The following PHLDB2 variants were observed in gnomAD, a reference collection of about 807,000 sequenced individuals.
PHLDB2 encodes the protein pleckstrin homology-like domain family B member 2.
PHLDB2 carries 71 observed loss-of-function variants against 123.6 expected under a neutral mutation model. That is an observed-to-expected ratio of 0.57 (90% CI 0.47 to 0.70). The LOEUF (loss-of-function observed/expected upper bound fraction) is 0.70, where lower values mean the gene tolerates loss of function less well. Ranked by LOEUF, PHLDB2 falls within the 30% of genes least tolerant of loss-of-function variation. The probability of loss-of-function intolerance (pLI) is 0.00; values close to 1 mark genes in which losing one functional copy is unlikely to be tolerated. For synonymous variants in PHLDB2, 547 were observed against 541.6 expected, an observed-to-expected ratio of 1.01 and a Z score of -0.14; for missense variants, 1,446 against 1,519.5, an observed-to-expected ratio of 0.95 and a Z score of 0.80.
intron 1 of PHLDB2, among the ~76,000 whole-genome samples, chr3:111,806,327 C>T (rs182153692): frequency 9.5e-4 from 145 of 152,166 alleles, no homozygotes; most frequent in Middle Eastern, 6.8e-3. Context: ...AGTCAATCCC[C>T]TCTCCCACCC....
At chr3:111,919,599 A>G (rs2068374930) in intron 4 of PHLDB2, among the ~76,000 whole-genome samples, 1 of 152,226 alleles carries the variant, frequency 6.6e-6, no homozygotes, top group Non-Finnish European at 1.5e-5. Flanking sequence ...TGGATATCAC[A>G]TTGGCACCAT....
chr3:111,749,108 A>G (rs1576502320), intron 1 of PHLDB2, among the ~76,000 whole-genome samples: 1 of 151,624 alleles, frequency 6.6e-6, no homozygotes, highest in East Asian at 1.9e-4. Flanking sequence ...AGGCTAAAAA[A>G]AAAAAATAAG....
intron 5 of PHLDB2, 29 bp from the exon 6 acceptor site, chr3:111,932,240 T>C: frequency 6.5e-7 from 1 of 1,548,040 alleles, no homozygotes; most frequent in Non-Finnish European, 8.7e-7. Context: ...AGGTAATTTC[T>C]ATTCTATTTT....
intron 12 of PHLDB2, 57 bp downstream of exon 12, chr3:111,954,086 G>C: frequency 2.7e-6 from 4 of 1,495,762 alleles, no homozygotes; most frequent in South Asian, 1.2e-5. Context: ...GAATTCTTCA[G>C]GGGGAGGAAG....
chr3:111,887,606 A>G (rs2066250124), intron 2 of PHLDB2, among the ~76,000 whole-genome samples: 1 of 152,174 alleles, frequency 6.6e-6, no homozygotes, highest in South Asian at 2.1e-4. Flanking sequence ...ATGAATGCCA[A>G]AGGGTTTTCC....
intron 1 of PHLDB2, among the ~76,000 whole-genome samples, chr3:111,881,624 ATGTT>A (rs2065929844): frequency 6.6e-6 from 1 of 151,990 alleles, no homozygotes; most frequent in Non-Finnish European, 1.5e-5. Context: ...TCATATTTTT[ATGTT>A]TGTTTATATT....
At chr3:111,885,988 A>C (rs1438329203) in intron 2 of PHLDB2, among the ~76,000 whole-genome samples, 2 of 152,198 alleles carry the variant, frequency 1.3e-5, no homozygotes, top group African/African-American at 4.8e-5. Flanking sequence ...TACTCACAAG[A>C]TCTATTGAGT....
chr3:111,742,975 G>A (rs1387890799), intron 1 of PHLDB2, among the ~76,000 whole-genome samples: 3 of 152,134 alleles, frequency 2.0e-5, no homozygotes, highest in Non-Finnish European at 4.4e-5. Flanking sequence ...AACCAATAAA[G>A]GAGCCAACAC....
intron 1 of PHLDB2, among the ~76,000 whole-genome samples, chr3:111,734,438 T>G (rs533595663): frequency 6.6e-6 from 1 of 152,162 alleles, no homozygotes; most frequent in South Asian, 2.1e-4. Context: ...TAAAAATTTA[T>G]GCATTGGCCA....
At chr3:111,829,233 T>C (rs1321520721) in intron 1 of PHLDB2, among the ~76,000 whole-genome samples, 6 of 152,056 alleles carry the variant, frequency 3.9e-5, no homozygotes, top group African/African-American at 1.4e-4. Context: ...AGGCATGCAA[T>C]TACTAAAGAG....
chr3:111,885,210 C>T lies in PHLDB2; in HGVS notation c.1133C>T (p.Ala378Val), dbSNP rs202130294. The T allele has an allele frequency of 1.4e-5, 23 of 1,614,058 alleles. No homozygotes were observed. The highest frequency in any genetic ancestry group is 5.5e-5 in the South Asian group (5 of 91,084). Residue 378 changes from alanine to valine, a missense_variant, in exon 2 of 18, where the codon GCG (alanine) becomes GTG (valine). Coordinates refer to ENST00000431670, the MANE Select transcript of PHLDB2 (RefSeq NM_001134438.2). ...GCTGGAGAGTCAGACAGAGTTTTTG[C>T]GACCAGGAGGAACTTCTCTTGTGGA... is the stretch of plus-strand genomic sequence containing the variant. The part of the protein sequence containing the change: ...LLAGESDRVF[A>V]TRRNFSCGSV...
chr3:111,799,624 G>T (rs1006485283), intron 1 of PHLDB2, among the ~76,000 whole-genome samples: 4 of 152,100 alleles, frequency 2.6e-5, no homozygotes, highest in Non-Finnish European at 5.9e-5. Flanking sequence ...ACATCAGGTT[G>T]GGTACTGAAT....
At position 111,801,546 on chromosome 3, in the gene PHLDB2, G is replaced by A. The variant is rs149941837; in HGVS notation, c.-48-44275G>A. ...ACAAATATGAATAAATGTGTCCCAA[G>A]AGCCTAGGACAAGGCTGGTTCATAA... On this transcript the variant is annotated intron_variant, in intron 1 of 17. Coordinates refer to the PHLDB2 transcript ENST00000393923. 5.3e-5 allele frequency among the ~76,000 whole-genome samples: 8 copies of A among 152,270 alleles called. No individual in the cohort carries two copies. In the East Asian group the frequency reaches 7.7e-4, roughly 15 times the overall value.
intron 1 of PHLDB2, among the ~76,000 whole-genome samples, chr3:111,770,647 T>C (rs923683776): frequency 1.3e-5 from 2 of 152,162 alleles, no homozygotes; most frequent in Non-Finnish European, 2.9e-5. Flanking sequence ...TCATATCACT[T>C]TACCCATTTC....
intron 1 of PHLDB2, among the ~76,000 whole-genome samples, chr3:111,744,631 G>A (rs560777033): frequency 1.1e-4 from 17 of 152,328 alleles, no homozygotes; most frequent in African/African-American, 4.1e-4. Flanking sequence ...CCATGTTGCA[G>A]TAGTAGCTCC....
rs1432124426 is a variant in PHLDB2 at position 111,780,406 on chromosome 3, GAAGAAA to G, written c.-49+47708_-49+47713del. Among the ~76,000 whole-genome samples, 46 of 132,600 alleles carry G rather than the reference GAAGAAA, an allele frequency of 3.5e-4. 8 individuals carry two copies. The highest frequency in any genetic ancestry group is 8.4e-4 in the African/African-American group (29 of 34,730). The allele number at this position is 132,600 out of a possible 152,430, so 87.0% of individuals were successfully genotyped here. ...AGAAGAAGAAGAAGAAGAAGAAGAA[GAAGAAA>G]AAGATTAGTTCGGCCCAACTTTCTG... On this transcript the variant is annotated intron_variant, in intron 1 of 17. Transcript: ENST00000393923.
At chr3:111,946,078 C>CTGGAGTACAG (rs5851806) in intron 9 of PHLDB2, among the ~76,000 whole-genome samples, 3 of 151,432 alleles carry the variant, frequency 2.0e-5, no homozygotes, top group Admixed American at 6.6e-5. Context: ...GTTGCCCAGG[C>CTGGAGTACAG]TGGCATGATC....
rs564491272 is a variant in PHLDB2, at chr3:111,859,704, G to C, written c.-15+128G>C. 18 of 985,432 alleles carry C rather than the reference G, an allele frequency of 1.8e-5. No homozygotes were observed. The South Asian group carries it at 7.0e-4, about 39-fold the overall frequency. 61.0% of individuals were successfully genotyped at this position (985,432 alleles called of 1,614,324 possible). A position where few individuals can be genotyped will look rare whatever the true frequency, so the allele number is the denominator to read the frequency against. Reference sequence around the variant, plus strand: ...GCCGCCGGTTGCGCTGCGGAGGGTTGGGGGCGGAGAGGAGGCAGTGGCTGC... The same window carrying C: ...GCCGCCGGTTGCGCTGCGGAGGGTTCGGGGCGGAGAGGAGGCAGTGGCTGC... On this transcript the variant is annotated intron_variant, in intron 1 of 17. Coordinates refer to ENST00000431670, the MANE Select transcript of PHLDB2 (RefSeq NM_001134438.2).
intron 1 of PHLDB2, among the ~76,000 whole-genome samples, chr3:111,838,294 C>T (rs958214548): frequency 6.6e-6 from 1 of 152,304 alleles, no homozygotes; most frequent in African/African-American, 2.4e-5. Flanking sequence ...TGCCACCACT[C>T]CTACCCAGGA....
Sources: allele counts gnomAD v4.1 joint callset (sites outside exome capture counted in the v4.1 genomes callset), GRCh38; gene constraint gnomAD v4.1.1; transcripts MANE v1.5; gene names NCBI Gene and HGNC (gene_info 2026-07-23, HGNC 2026-07-21).